WDR72: variants seen among roughly 807,000 people sequenced by gnomAD.
WDR72 encodes the protein WD repeat-containing protein 72.
WDR72 carries 120 observed loss-of-function variants against 124.2 expected under a neutral mutation model. That is an observed-to-expected ratio of 0.97 (90% CI 0.83 to 1.12). The LOEUF is 1.12. WDR72 is among the 50% of genes most tolerant of loss of function. WDR72 has a pLI of 0.00. For synonymous variants in WDR72, 452 were observed against 441.7 expected (o/e 1.02, Z -0.29); for missense variants, 1,387 against 1,278.8 (o/e 1.08, Z -1.29).
At chr15:53,560,566 G>C (rs1223857239) in intron 18 of WDR72, among the ~76,000 whole-genome samples, 1 of 151,698 alleles carries the variant, frequency 6.6e-6, no homozygotes, top group Non-Finnish European at 1.5e-5. Context: ...GATACACCAG[G>C]TTATTTTTTT....
rs1455783552 is a variant in WDR72 at position 53,533,955 on chromosome 15, T to C, written c.3149-10633A>G. On this transcript the variant is annotated intron_variant, in intron 18 of 19. Coordinates refer to ENST00000360509, the MANE Select transcript of WDR72 (RefSeq NM_182758.4). ...GTGTTATACTTATAATCCCATTCTTTGGGTCTCATTTCTGACTACCCCACT... is the reference window on the plus strand; with the variant it reads ...GTGTTATACTTATAATCCCATTCTTCGGGTCTCATTTCTGACTACCCCACT... 4.6e-5 allele frequency among the ~76,000 whole-genome samples: 7 copies of C among 152,148 alleles called. No individual in the cohort carries two copies. In the East Asian group the frequency reaches 1.4e-3, roughly 29 times the overall value.
intron 18 of WDR72, among the ~76,000 whole-genome samples, chr15:53,569,002 A>G (rs1176348611): frequency 6.6e-6 from 1 of 151,986 alleles, no homozygotes; most frequent in African/African-American, 2.4e-5. Context: ...TTTTTCTTAG[A>G]GTAATTGGGA....
At chr15:53,611,102 C>T (rs2013521111) in intron 16 of WDR72, among the ~76,000 whole-genome samples, 1 of 152,072 alleles carries the variant, frequency 6.6e-6, no homozygotes, top group African/African-American at 2.4e-5. Flanking sequence ...ATTATTCAGT[C>T]AATTCCTGCT....
intron 18 of WDR72, among the ~76,000 whole-genome samples, chr15:53,539,933 A>G (rs1252508159): frequency 1.3e-5 from 2 of 152,222 alleles, no homozygotes; most frequent in Non-Finnish European, 2.9e-5. Flanking sequence ...AAGATTAAAG[A>G]TAAAAGGATA....
chr15:53,691,553 T>C (rs2016840415), intron 13 of WDR72, among the ~76,000 whole-genome samples: 1 of 152,078 alleles, frequency 6.6e-6, no homozygotes, highest in Admixed American at 6.6e-5. Context: ...TATTTTTTTC[T>C]TTCGTTGCTC....
intron 14 of WDR72, among the ~76,000 whole-genome samples, chr15:53,634,125 A>G (rs776117118): frequency 1.3e-5 from 2 of 152,252 alleles, no homozygotes; most frequent in Non-Finnish European, 2.9e-5. Flanking sequence ...AATGTAAGTT[A>G]TAAAATATTT....
chr15:53,691,211 G>C (rs964517852), intron 13 of WDR72, among the ~76,000 whole-genome samples: 6 of 151,988 alleles, frequency 3.9e-5, no homozygotes, highest in African/African-American at 1.4e-4. Context: ...CACTGTGCCT[G>C]GCTAATTTTT....
At chr15:53,752,539 C>G (rs924470140) in intron 1 of WDR72, among the ~76,000 whole-genome samples, 8 of 152,166 alleles carry the variant, frequency 5.3e-5, no homozygotes, top group African/African-American at 1.9e-4. Flanking sequence ...CTAAGTGAGA[C>G]ATGGGACAGA....
At chr15:53,698,451 T>G (rs949511481) in intron 13 of WDR72, among the ~76,000 whole-genome samples, 2 of 152,226 alleles carry the variant, frequency 1.3e-5, no homozygotes, top group Admixed American at 6.5e-5. Context: ...AGTCAACTAT[T>G]ACTAAGGGCT....
At chr15:53,645,478 T>A (rs2015009094) in intron 14 of WDR72, among the ~76,000 whole-genome samples, 1 of 152,144 alleles carries the variant, frequency 6.6e-6, no homozygotes, top group Non-Finnish European at 1.5e-5. Flanking sequence ...TGTAAAGCAG[T>A]TCTCAGGGTT....
chr15:53,538,379 A>C (rs1892875315), intron 18 of WDR72, among the ~76,000 whole-genome samples: 1 of 152,204 alleles, frequency 6.6e-6, no homozygotes, highest in East Asian at 1.9e-4. Context: ...TCACACATTA[A>C]GATTTAAGAA....
At chr15:53,755,599 A>G (rs1451628920) in intron 1 of WDR72, among the ~76,000 whole-genome samples, 1 of 152,246 alleles carries the variant, frequency 6.6e-6, no homozygotes, top group Non-Finnish European at 1.5e-5. Context: ...TTAATTTAAC[A>G]AAGATTTATA....
At chr15:53,638,828 C>T (rs1382076152) in intron 14 of WDR72, among the ~76,000 whole-genome samples, 1 of 151,918 alleles carries the variant, frequency 6.6e-6, no homozygotes, top group East Asian at 1.9e-4. Context: ...CATGGCAAAA[C>T]CCCGTCTCTA....
At chr15:53,695,321 T>G (rs1368884092) in intron 13 of WDR72, among the ~76,000 whole-genome samples, 1 of 152,222 alleles carries the variant, frequency 6.6e-6, no homozygotes, top group Non-Finnish European at 1.5e-5. Flanking sequence ...CAGAATTATT[T>G]TAAATTCAAT....
chr15:53,709,068 T>C (rs979895670), intron 9 of WDR72, among the ~76,000 whole-genome samples: 3 of 152,254 alleles, frequency 2.0e-5, no homozygotes, highest in Non-Finnish European at 4.4e-5. Flanking sequence ...CAGACAATAG[T>C]ACCTGCTTAC....
At chr15:53,581,277 C>T (rs953081917) in intron 18 of WDR72, among the ~76,000 whole-genome samples, 1 of 151,974 alleles carries the variant, frequency 6.6e-6, no homozygotes, top group African/African-American at 2.4e-5. Flanking sequence ...TACAATGTAA[C>T]CAAAGCAATA....
Position 53,665,632 on chromosome 15 carries a change from G to T in WDR72, c.1902C>A (p.Ser634=), listed in dbSNP as rs2015751975. 1 of 1,613,906 alleles carries T rather than the reference G, an allele frequency of 6.2e-7. No individual in the cohort carries two copies. Among genetic ancestry groups the T allele is most frequent in the Non-Finnish European group, 8.5e-7 (1 of 1,179,868 alleles). ...GTAATGGCCCAAGCTGGTAGGGGCT[G>T]GAGGATCTCTGTTCTATACTTTTGT... is the stretch of plus-strand genomic sequence containing the variant. ...LKHKSIEQRS[S]SPYQLGPLPC... The change falls in exon 14 of 20, where the codon TCC becomes TCA. Residue 634 remains serine, a synonymous_variant. Coordinates refer to ENST00000360509, the MANE Select transcript of WDR72 (RefSeq NM_182758.4).
chr15:53,595,790 A>G lies in WDR72; in HGVS notation c.3148+1289T>C, dbSNP rs552911799. Among the ~76,000 whole-genome samples, 3 of 152,288 alleles carry G rather than the reference A, an allele frequency of 2.0e-5. No homozygotes were observed. The South Asian group carries it at 6.2e-4, about 32-fold the overall frequency. On this transcript the variant is annotated intron_variant, in intron 18 of 19. Transcript: ENST00000360509. ...TATGTAATACAACTATAATTACGTG[A>G]TATGATGAAACAGGAGCTTTTTCAC...
chr15:53,710,688 A>G (rs891779783), intron 9 of WDR72, among the ~76,000 whole-genome samples, 169 bp downstream of exon 9: 9 of 152,324 alleles, frequency 5.9e-5, no homozygotes, highest in African/African-American at 1.9e-4. Context: ...TTAAAGACAA[A>G]GTTTTCTCTT....
Sources: gnomAD v4.1 joint callset for allele counts (sites outside exome capture counted in the v4.1 genomes callset) on GRCh38, gnomAD v4.1.1 for gene constraint, MANE v1.5 for transcripts, NCBI Gene and HGNC (gene_info 2026-07-23, HGNC 2026-07-21) for gene names.